The following TMPRSS15 variants were observed in gnomAD, a reference collection of about 807,000 sequenced individuals.
TMPRSS15 encodes transmembrane serine protease 15, also known as enteropeptidase.
In TMPRSS15, 128 loss-of-function variants were observed where a neutral mutation model predicts 125.3. The ratio of observed to expected loss-of-function variants is 1.02; its 90% CI spans 0.89 to 1.18. The LOEUF is 1.18. TMPRSS15 is among the 50% of genes most tolerant of loss of function. The pLI, the probability that TMPRSS15 is intolerant of heterozygous loss-of-function variation, is 0.00. For missense variants in TMPRSS15, 1,283 were observed against 1,212.7 expected (o/e 1.06, Z -0.86); for synonymous variants, 446 against 423.2 (o/e 1.05, Z -0.66).
intron 1 of TMPRSS15, among the ~76,000 whole-genome samples, chr21:18,458,227 GA>G (rs1569072912): frequency 6.6e-6 from 1 of 152,096 alleles, no homozygotes; most frequent in Non-Finnish European, 1.5e-5. Flanking sequence ...GTGCATGAAT[GA>G]AAAAAATAAT....
At chr21:18,413,365 C>CT (rs1379471200) in intron 1 of TMPRSS15, among the ~76,000 whole-genome samples, 81 of 101,484 alleles carry the variant, frequency 8.0e-4, no homozygotes, top group Non-Finnish European at 1.1e-3. Flanking sequence ...CCTTCCTTTC[C>CT]TTCCTTCCTT....
At chr21:18,370,778 G>C (rs113003963) in intron 6 of TMPRSS15, among the ~76,000 whole-genome samples, 8 of 152,048 alleles carry the variant, frequency 5.3e-5, no homozygotes, top group African/African-American at 1.9e-4. Flanking sequence ...AGTTGGTACC[G>C]GGAAACAGAC....
chr21:18,392,543 A>T (rs1230848267), intron 3 of TMPRSS15, among the ~76,000 whole-genome samples: 1 of 151,156 alleles, frequency 6.6e-6, no homozygotes, highest in Non-Finnish European at 1.5e-5. Context: ...CTCTGAGAAG[A>T]CTCCTTCCCG....
In TMPRSS15 at chr21:18,351,858, C is replaced by T. The variant is rs190397271; in HGVS notation, c.1171+1045G>A. On this transcript the variant is annotated intron_variant, in intron 10 of 24. Coordinates refer to ENST00000284885, the MANE Select transcript of TMPRSS15 (RefSeq NM_002772.3). ...TATAATAGGAAAAATGGAAGAGGTG[C>T]TTAGAATATTTAAGGGAAAAAAAAT... Among the ~76,000 whole-genome samples the T allele has an allele frequency of 2.9e-4, 44 of 151,944 alleles. No individual in the cohort carries two copies. In the East Asian group the frequency reaches 7.4e-3, roughly 25 times the overall value.
intron 3 of TMPRSS15, among the ~76,000 whole-genome samples, chr21:18,388,048 C>T (rs2075960725): frequency 1.3e-5 from 2 of 152,078 alleles, no homozygotes; most frequent in Non-Finnish European, 2.9e-5. Context: ...CTCTCCTGCT[C>T]CTGATTTCCT....
intron 1 of TMPRSS15, among the ~76,000 whole-genome samples, chr21:18,443,232 C>T (rs17772298): frequency 6.6e-6 from 1 of 152,096 alleles, no homozygotes; most frequent in Non-Finnish European, 1.5e-5. Context: ...GTGCTGCTCT[C>T]GTAGAGAACA....
chr21:18,449,277 T>C (rs1318984534), intron 1 of TMPRSS15, among the ~76,000 whole-genome samples: 1 of 152,140 alleles, frequency 6.6e-6, no homozygotes, highest in Non-Finnish European at 1.5e-5. Context: ...ACATATTCAA[T>C]CGTATCTAAT....
At chr21:18,374,252 T>A (rs186022251) in intron 5 of TMPRSS15, among the ~76,000 whole-genome samples, 26 of 151,586 alleles carry the variant, frequency 1.7e-4, no homozygotes, top group African/African-American at 6.0e-4. Context: ...GGCGGGTGGA[T>A]CATGAGGTCA....
intron 1 of TMPRSS15, among the ~76,000 whole-genome samples, chr21:18,423,469 C>T (rs1024240907): frequency 2.0e-5 from 3 of 148,338 alleles, no homozygotes; most frequent in Non-Finnish European, 3.0e-5. Context: ...AGTGCAGTGG[C>T]GCGATCTCGG....
intron 4 of TMPRSS15, among the ~76,000 whole-genome samples, chr21:18,380,328 T>C (rs893710653): frequency 6.6e-6 from 1 of 152,064 alleles, no homozygotes; most frequent in African/African-American, 2.4e-5. Flanking sequence ...AACATTGAAA[T>C]TGGAAATGTA....
chr21:18,312,286 G>A lies in TMPRSS15; in HGVS notation c.2165+659C>T, dbSNP rs146383652. On this transcript the variant is annotated intron_variant, in intron 18 of 24. Coordinates refer to ENST00000284885, the MANE Select transcript of TMPRSS15 (RefSeq NM_002772.3). The stretch of plus-strand genomic sequence containing the variant: ...TGGGAAGGTAAAAAACAAATATGGC[G>A]AAATTACATATTTGATGCAAGCTAT... 6.6e-3 allele frequency among the ~76,000 whole-genome samples: 1,008 copies of A among 151,776 alleles called. 7 individuals carry two copies. Among genetic ancestry groups the A allele is most frequent in the African/African-American group, 0.022 (927 of 41,430 alleles).
intron 8 of TMPRSS15, among the ~76,000 whole-genome samples, chr21:18,357,177 A>G (rs188501819): frequency 7.2e-5 from 11 of 152,000 alleles, no homozygotes; most frequent in Admixed American, 2.6e-4. Flanking sequence ...TTTCATATGA[A>G]GTATTAATAA....
intron 1 of TMPRSS15, among the ~76,000 whole-genome samples, chr21:18,470,259 T>C (rs978422): frequency 0.59 from 89,105 of 151,742 alleles, 27,312 homozygotes; most frequent in East Asian, 0.92. Context: ...TTAACTTTTT[T>C]CTTGCATACT....
At position 18,353,740 on chromosome 21, in the gene TMPRSS15, T is replaced by C. The variant is rs1356710630; in HGVS notation, c.1004A>G (p.Asn335Ser). The change falls in exon 9 of 25, where the codon AAC becomes AGC. Residue 335 changes from asparagine (N) to serine (S), a missense_variant. Coordinates refer to ENST00000284885, the MANE Select transcript of TMPRSS15 (RefSeq NM_002772.3). ...ATACTTACTATTAAGCTCACTGCTGTTAAATGCAGTATATGTTGCATTAAA... is the reference window on the plus strand; with the variant it reads ...ATACTTACTATTAAGCTCACTGCTGCTAAATGCAGTATATGTTGCATTAAA... ...VGFNATYTAF[N>S]SSELNNYEKI... is the part of the protein sequence containing the mutation. The C allele has an allele frequency of 6.2e-6, 10 of 1,611,162 alleles. No individual in the cohort carries two copies. The highest frequency in any genetic ancestry group is 7.6e-6 in the Non-Finnish European group (9 of 1,178,132).
chr21:18,311,665 C>T (rs1442474727), intron 18 of TMPRSS15, among the ~76,000 whole-genome samples: 1 of 152,040 alleles, frequency 6.6e-6, no homozygotes, highest in Non-Finnish European at 1.5e-5. Flanking sequence ...AGCCACTATT[C>T]AGAACATTAT....
At chr21:18,277,690 G>A (rs2146861511) in intron 23 of TMPRSS15, among the ~76,000 whole-genome samples, 1 of 152,288 alleles carries the variant, frequency 6.6e-6, no homozygotes, top group South Asian at 2.1e-4. Context: ...TTAAATGTGA[G>A]TACTTTGATT....
At chr21:18,454,025 A>G (rs923162355) in intron 1 of TMPRSS15, among the ~76,000 whole-genome samples, 4 of 152,136 alleles carry the variant, frequency 2.6e-5, no homozygotes, top group Admixed American at 2.6e-4. Context: ...TTTTACTTTG[A>G]TTTATTGAGA....
chr21:18,432,389 T>C (rs9647083), intron 1 of TMPRSS15, among the ~76,000 whole-genome samples: 108,248 of 151,994 alleles, frequency 0.71, 40,526 homozygotes, highest in East Asian at 0.89. Flanking sequence ...AATTGTGCCT[T>C]GCCAAAATAC....
intron 3 of TMPRSS15, among the ~76,000 whole-genome samples, chr21:18,388,595 AAGAGAGGCAGGCACCT>A (rs2075965685): frequency 6.6e-6 from 1 of 152,184 alleles, no homozygotes; most frequent in Non-Finnish European, 1.5e-5. Flanking sequence ...AGCCCAATTC[AAGAGAGGCAGGCACCT>A]AGAATACCTC....
Sources: allele counts gnomAD v4.1 joint callset (sites outside exome capture counted in the v4.1 genomes callset), GRCh38; gene constraint gnomAD v4.1.1; transcripts MANE v1.5; gene names NCBI Gene and HGNC (gene_info 2026-07-23, HGNC 2026-07-21).